ADAMTS17: variants seen among roughly 807,000 people sequenced by gnomAD.
ADAMTS17 encodes the protein A disintegrin and metalloproteinase with thrombospondin motifs 17.
ADAMTS17 carries 113 observed loss-of-function variants against 141.5 expected under a neutral mutation model. The ratio of observed to expected loss-of-function variants is 0.80; its 90% confidence interval spans 0.69 to 0.93. The LOEUF is 0.93. Among genes scored for constraint, ADAMTS17 ranks in the 40% least tolerant of loss-of-function variants. ADAMTS17 has a pLI of 0.00. For missense variants in ADAMTS17, 1,659 were observed against 1,517.9 expected, an observed-to-expected ratio of 1.09 and a Z score of -1.54; for synonymous variants, 768 against 630.6, an observed-to-expected ratio of 1.22 and a Z score of -3.27.
intron 8 of ADAMTS17, chr15:100,168,365 G>T (rs1006168599): frequency 1.4e-4 from 22 of 152,242 alleles, no homozygotes; most frequent in African/African-American, 5.1e-4. Context: ...CTCTGCCAAG[G>T]AAAGACTGCT....
chr15:100,341,667 C>T (rs2046370761), intron 1 of ADAMTS17, among the ~76,000 whole-genome samples, 154 bp downstream of exon 1: 2 of 151,336 alleles, frequency 1.3e-5, no homozygotes, highest in South Asian at 4.1e-4. Flanking sequence ...CGGAGCCACC[C>T]GATTCCCGTA....
At chr15:100,131,478 T>G (rs1443010910) in intron 12 of ADAMTS17, among the ~76,000 whole-genome samples, 3 of 151,868 alleles carry the variant, frequency 2.0e-5, no homozygotes, top group African/African-American at 7.3e-5. Flanking sequence ...GGAACAAATG[T>G]ACAAAGGTGA....
chr15:100,237,156 C>T (rs1448149233), intron 7 of ADAMTS17, among the ~76,000 whole-genome samples: 1 of 152,196 alleles, frequency 6.6e-6, no homozygotes, highest in East Asian at 1.9e-4. Flanking sequence ...GCTCCACCAT[C>T]GTGTCACTAT....
intron 18 of ADAMTS17, among the ~76,000 whole-genome samples, chr15:100,027,994 C>T (rs2029862794): frequency 6.6e-6 from 1 of 152,164 alleles, no homozygotes; most frequent in African/African-American, 2.4e-5. Flanking sequence ...GGGAGCCCTA[C>T]CCAGAGAAGT....
intron 15 of ADAMTS17, chr15:100,063,877 G>A (rs1259968672): frequency 3.3e-6 from 2 of 610,162 alleles, no homozygotes; most frequent in African/African-American, 1.9e-5. Flanking sequence ...AGAAATGGAG[G>A]GCTGGCGCAG....
intron 12 of ADAMTS17, among the ~76,000 whole-genome samples, chr15:100,122,500 G>T (rs573997414): frequency 6.6e-6 from 1 of 152,268 alleles, no homozygotes; most frequent in African/African-American, 2.4e-5. Context: ...CGGGCCTCCT[G>T]CATGTGCAGC....
At chr15:100,113,302 A>G (rs1418472909) in intron 13 of ADAMTS17, among the ~76,000 whole-genome samples, 1 of 152,198 alleles carries the variant, frequency 6.6e-6, no homozygotes, top group Non-Finnish European at 1.5e-5. Context: ...AAAGCTCTGA[A>G]AACTCTAAGT....
chr15:100,120,776 T>A (rs2037412398), intron 12 of ADAMTS17, among the ~76,000 whole-genome samples: 1 of 152,252 alleles, frequency 6.6e-6, no homozygotes, highest in South Asian at 2.1e-4. Context: ...AGTTACTGCA[T>A]TCTAAGATTT....
At chr15:100,080,247 A>T (rs945173356) in intron 15 of ADAMTS17, among the ~76,000 whole-genome samples, 1 of 152,168 alleles carries the variant, frequency 6.6e-6, no homozygotes, top group African/African-American at 2.4e-5. Flanking sequence ...TGATTCCATT[A>T]AACTGGAAGA....
intron 16 of ADAMTS17, 59 bp downstream of exon 16, chr15:100,053,838 C>T (rs2032332599): frequency 1.9e-6 from 3 of 1,613,540 alleles, no homozygotes; most frequent in Non-Finnish European, 2.5e-6. Context: ...TGGAAAGTAA[C>T]CTAGTAGACC....
At chr15:100,024,173 G>T (rs2061460334) in intron 18 of ADAMTS17, among the ~76,000 whole-genome samples, 1 of 152,164 alleles carries the variant, frequency 6.6e-6, no homozygotes, top group South Asian at 2.1e-4. Flanking sequence ...GCTCAGTACA[G>T]CCTCGAACTC....
At chr15:100,134,289 C>A (rs1457934386) in intron 10 of ADAMTS17, among the ~76,000 whole-genome samples, 2 of 152,236 alleles carry the variant, frequency 1.3e-5, no homozygotes, top group Admixed American at 1.3e-4. Flanking sequence ...TGCTCTCTCC[C>A]TCACCCCCTC....
At chr15:100,130,227 T>C (rs1030131931) in intron 12 of ADAMTS17, among the ~76,000 whole-genome samples, 4 of 151,510 alleles carry the variant, frequency 2.6e-5, no homozygotes, top group Non-Finnish European at 5.9e-5. Flanking sequence ...AGCTGGGAGT[T>C]GTGGTGCACT....
intron 8 of ADAMTS17, among the ~76,000 whole-genome samples, chr15:100,197,892 G>A (rs867308305): frequency 6.6e-6 from 1 of 152,164 alleles, no homozygotes; most frequent in Admixed American, 6.5e-5. Flanking sequence ...GATGAAGCTG[G>A]AAACCATCAT....
At chr15:100,283,753 A>G (rs1164488235) in intron 3 of ADAMTS17, among the ~76,000 whole-genome samples, 2 of 152,194 alleles carry the variant, frequency 1.3e-5, no homozygotes, top group East Asian at 3.8e-4. Context: ...CTCTAAGAAA[A>G]GTAGCCTGTC....
At chr15:100,051,809 C>T in intron 16 of ADAMTS17, 78 bp from the exon 17 acceptor site, 1 of 1,572,304 alleles carries the variant, frequency 6.4e-7, no homozygotes, top group South Asian at 1.1e-5. Context: ...CACACACAGG[C>T]ACACTGCGGC....
intron 2 of ADAMTS17, among the ~76,000 whole-genome samples, chr15:100,335,617 T>C (rs972760105): frequency 6.6e-6 from 1 of 152,244 alleles, no homozygotes; most frequent in Non-Finnish European, 1.5e-5. Context: ...GCAACAGCGA[T>C]GACTGATCAG....
At chr15:100,012,042 A>G (rs2061195833) in intron 18 of ADAMTS17, among the ~76,000 whole-genome samples, 2 of 152,202 alleles carry the variant, frequency 1.3e-5, no homozygotes, top group Admixed American at 6.5e-5. Context: ...CACGGCATCC[A>G]TGTCAACATC....
At chr15:100,247,139 G>T (rs1000579220) in intron 7 of ADAMTS17, among the ~76,000 whole-genome samples, 1 of 151,920 alleles carries the variant, frequency 6.6e-6, no homozygotes, top group African/African-American at 2.4e-5. Context: ...CACCCACCTC[G>T]GCCTCCCAAA....
Sources: gnomAD v4.1 joint callset for allele counts (sites outside exome capture counted in the v4.1 genomes callset) on GRCh38, gnomAD v4.1.1 for gene constraint, MANE v1.5 for transcripts, NCBI Gene and HGNC (gene_info 2026-07-23, HGNC 2026-07-21) for gene names.